The following FAM13B variants were observed in gnomAD, a reference collection of about 807,000 sequenced individuals.
FAM13B encodes the protein protein FAM13B.
Under a neutral mutation model 117.3 loss-of-function variants are expected in FAM13B, and 60 were observed. The ratio of observed to expected loss-of-function variants is 0.51; its 90% CI spans 0.42 to 0.63. FAM13B has a LOEUF of 0.63. Ranked by LOEUF, FAM13B falls within the 30% of genes least tolerant of loss-of-function variation. The pLI, the probability that FAM13B is intolerant of heterozygous loss-of-function variation, is 0.00. For synonymous variants in FAM13B, 332 were observed against 356.1 expected, an observed-to-expected ratio of 0.93 and a Z score of 0.76; for missense variants, 972 against 1,091.9, an observed-to-expected ratio of 0.89 and a Z score of 1.55.
intron 13 of FAM13B, among the ~76,000 whole-genome samples, chr5:137,958,673 T>C (rs1485623231): frequency 1.3e-5 from 2 of 152,242 alleles, no homozygotes; most frequent in Admixed American, 6.5e-5. Context: ...TTTACCAAAG[T>C]GTATGATCCA....
chr5:137,969,369 G>A (rs1397316339), intron 10 of FAM13B, among the ~76,000 whole-genome samples: 4 of 152,170 alleles, frequency 2.6e-5, no homozygotes, highest in African/African-American at 7.2e-5. Flanking sequence ...TCACACGGCC[G>A]GGTGCTCCAA....
chr5:138,039,590 C>A (rs1385495303), intron 1 of FAM13B: 2 of 150,164 alleles, frequency 1.3e-5, no homozygotes, highest in Non-Finnish European at 3.0e-5. Flanking sequence ...CATGTGCCAC[C>A]ATGCCCAGCT....
At position 137,938,791 on chromosome 5, in the gene FAM13B, G is replaced by A. The variant is rs1427644565; in HGVS notation, c.*1434C>T. 2.6e-5 allele frequency: 4 copies of A among 152,466 alleles called. No individual in the cohort carries two copies. Among genetic ancestry groups the A allele is most frequent in the African/African-American group, 9.7e-5 (4 of 41,376 alleles). The allele number at this position is 152,466 out of a possible 1,614,324, so 9.4% of individuals were successfully genotyped here. A position where few individuals can be genotyped will look rare whatever the true frequency, so the allele number is the denominator to read the frequency against. Reference sequence around the variant, plus strand: ...TCATGCTTCCCTCACCTTATTAAAGGATGTTGCAAAATTCCATTTTTATAT... The same window carrying A: ...TCATGCTTCCCTCACCTTATTAAAGAATGTTGCAAAATTCCATTTTTATAT... On this transcript the variant is annotated 3_prime_UTR_variant, in exon 24 of 24. Coordinates refer to ENST00000689681, the MANE Select transcript of FAM13B (RefSeq NM_001385994.1).
chr5:138,011,908 C>T lies in FAM13B; in HGVS notation c.408G>A (p.Arg136=). 6.3e-6 allele frequency: 10 copies of T among 1,592,810 alleles called. No homozygotes were observed. Among genetic ancestry groups the T allele is most frequent in the Non-Finnish European group, 8.5e-6 (10 of 1,174,202 alleles). Reference sequence around the variant, plus strand: ...CAGGTGGAAGCTGTTGCAAGAGGAACCTCAACTTTCTTCCAAATTCATCTT... The same window carrying T: ...CAGGTGGAAGCTGTTGCAAGAGGAATCTCAACTTTCTTCCAAATTCATCTT... The part of the protein sequence containing the change: ...NNEDEFGRKL[R]FLLQQLPPVN... Residue 136 remains arginine, a synonymous_variant, in exon 5 of 24, where the codon AGG becomes AGA. Coordinates refer to ENST00000689681, the MANE Select transcript of FAM13B (RefSeq NM_001385994.1).
At chr5:138,046,661 T>C (rs1791648423) in intron 1 of FAM13B, among the ~76,000 whole-genome samples, 1 of 152,238 alleles carries the variant, frequency 6.6e-6, no homozygotes, top group Non-Finnish European at 1.5e-5. Flanking sequence ...TGAATTAATG[T>C]CCAGAAAATA....
At chr5:137,992,115 T>C (rs532261900) in intron 7 of FAM13B, among the ~76,000 whole-genome samples, 90 of 152,020 alleles carry the variant, frequency 5.9e-4, no homozygotes, top group African/African-American at 2.1e-3. Context: ...TTTCATCATG[T>C]TGCCCAGGCT....
intron 1 of FAM13B, among the ~76,000 whole-genome samples, chr5:138,047,330 C>A (rs959942789): frequency 2.6e-5 from 4 of 151,338 alleles, no homozygotes; most frequent in South Asian, 4.2e-4. Context: ...CAGGGTGAAA[C>A]CCCACCTCTA....
At chr5:138,042,004 T>C (rs1192203897) in intron 1 of FAM13B, among the ~76,000 whole-genome samples, 1 of 151,896 alleles carries the variant, frequency 6.6e-6, no homozygotes, top group East Asian at 1.9e-4. Flanking sequence ...AAGGTTACAG[T>C]GAACTATGAC....
At chr5:137,963,864 G>C (rs1327130818) in intron 10 of FAM13B, among the ~76,000 whole-genome samples, 1 of 152,134 alleles carries the variant, frequency 6.6e-6, no homozygotes, top group Non-Finnish European at 1.5e-5. Context: ...CTAATGCTTT[G>C]ATGATGTGAG....
chr5:138,019,668 A>G (rs1014702305), intron 2 of FAM13B, among the ~76,000 whole-genome samples: 1 of 139,384 alleles, frequency 7.2e-6, no homozygotes, highest in Admixed American at 8.1e-5. Context: ...TACATGATAA[A>G]GCAGCTGTAA....
upstream of FAM13B, among the ~76,000 whole-genome samples, chr5:138,035,827 A>G (rs1791103686): frequency 6.6e-6 from 1 of 152,212 alleles, no homozygotes; most frequent in African/African-American, 2.4e-5. Flanking sequence ...TTAACTTTGT[A>G]TGATGGTTTG....
chr5:137,953,783 A>T (rs1233727095), intron 15 of FAM13B, among the ~76,000 whole-genome samples: 2 of 152,224 alleles, frequency 1.3e-5, no homozygotes, highest in African/African-American at 4.8e-5. Flanking sequence ...ATTCAGATCC[A>T]TTTAAAGCTT....
chr5:138,012,978 C>A (rs115131099), intron 4 of FAM13B, among the ~76,000 whole-genome samples: 1 of 147,456 alleles, frequency 6.8e-6, no homozygotes, highest in African/African-American at 2.5e-5. Flanking sequence ...CTGAGACAGG[C>A]GCATCACCTG....
rs188875142 is a variant in FAM13B at position 137,942,503 on chromosome 5, C to G, written c.2588+372G>C. 30 of 213,054 alleles carry G rather than the reference C, an allele frequency of 1.4e-4. No homozygotes were observed. The East Asian group carries it at 3.7e-3, about 27-fold the overall frequency. 13.2% of individuals were successfully genotyped at this position (213,054 alleles called of 1,614,324 possible). On this transcript the variant is annotated intron_variant, in intron 22 of 23. Transcript: ENST00000689681. ...AGCCTCCCAAGTATCTGGGACTACA[C>G]GCGAACACCACCACCCCTGGCTAAT...
At chr5:137,957,481 G>A (rs923839985) in intron 13 of FAM13B, among the ~76,000 whole-genome samples, 6 of 150,444 alleles carry the variant, frequency 4.0e-5, no homozygotes, top group Admixed American at 2.0e-4. Context: ...CGGAAGTTGC[G>A]GTGAGCTGAG....
intron 1 of FAM13B, among the ~76,000 whole-genome samples, chr5:138,030,516 G>C (rs936156104): frequency 1.3e-5 from 2 of 151,774 alleles, no homozygotes; most frequent in Non-Finnish European, 2.9e-5. Context: ...CAAAGTGCTG[G>C]GATTACAGGC....
At chr5:137,994,247 T>C (rs1422921889) in intron 7 of FAM13B, among the ~76,000 whole-genome samples, 1 of 151,958 alleles carries the variant, frequency 6.6e-6, no homozygotes, top group Admixed American at 6.6e-5. Context: ...CCACCAGCCA[T>C]AGTAAACAAA....
upstream of FAM13B, among the ~76,000 whole-genome samples, chr5:138,034,995 C>CTTTTTTTTTTTTTTTTTTTTT (rs557807234): frequency 2.6e-3 from 89 of 34,378 alleles, 34 homozygotes; most frequent in Middle Eastern, 0.023. Flanking sequence ...ATTCCCTTGC[C>CTTTTTTTTTTTTTTTTTTTTT]TTTTTTTTTT....
chr5:137,953,078 A>T (rs766187536), intron 16 of FAM13B, among the ~76,000 whole-genome samples: 5 of 152,204 alleles, frequency 3.3e-5, no homozygotes, highest in Non-Finnish European at 5.9e-5. Context: ...TGTCAATGTA[A>T]AGTATTTGCT....
Sources: allele counts gnomAD v4.1 joint callset (sites outside exome capture counted in the v4.1 genomes callset), GRCh38; gene constraint gnomAD v4.1.1; transcripts MANE v1.5; gene names NCBI Gene and HGNC (gene_info 2026-07-23, HGNC 2026-07-21).